NAALAD2: variants seen among roughly 807,000 people sequenced by gnomAD.
The protein encoded by NAALAD2 is N-acetylated alpha-linked acidic dipeptidase 2.
NAALAD2 carries 89 observed loss-of-function variants against 95.6 expected under a neutral mutation model. That is an observed-to-expected ratio of 0.93 (90% CI 0.78 to 1.11). NAALAD2 has a LOEUF of 1.11. Among genes scored for constraint, NAALAD2 ranks in the 50% least tolerant of loss-of-function variants. The probability of loss-of-function intolerance (pLI) is 0.00; values close to 1 mark genes in which losing one functional copy is unlikely to be tolerated. For missense variants in NAALAD2, 894 were observed against 872.4 expected, an observed-to-expected ratio of 1.02 and a Z score of -0.31; for synonymous variants, 264 against 294.4, an observed-to-expected ratio of 0.90 and a Z score of 1.06.
At chr11:90,183,431 A>G (rs1319596335) in intron 18 of NAALAD2, among the ~76,000 whole-genome samples, 1 of 152,150 alleles carries the variant, frequency 6.6e-6, no homozygotes, top group East Asian at 1.9e-4. Flanking sequence ...ATTATTAGAA[A>G]GTTTTCTTCA....
intron 13 of NAALAD2, 48 bp downstream of exon 13, chr11:90,170,184 T>C (rs1449271457): frequency 9.2e-7 from 1 of 1,085,906 alleles, no homozygotes; most frequent in Non-Finnish European, 1.4e-6. Context: ...AATGGATAAA[T>C]GAATAACGTG....
intron 13 of NAALAD2, among the ~76,000 whole-genome samples, chr11:90,171,723 C>G (rs1443411577): frequency 6.6e-6 from 1 of 152,108 alleles, no homozygotes; most frequent in Non-Finnish European, 1.5e-5. Context: ...TGTGTGTTAG[C>G]ACAAATAGTC....
At chr11:90,174,724 A>G (rs1952736700) in intron 14 of NAALAD2, among the ~76,000 whole-genome samples, 1 of 151,702 alleles carries the variant, frequency 6.6e-6, no homozygotes, top group Non-Finnish European at 1.5e-5. Context: ...TTTTATATTT[A>G]TTTGTTTTTA....
chr11:90,132,338 T>C (rs545335443), upstream of NAALAD2: 34 of 152,456 alleles, frequency 2.2e-4, no homozygotes, highest in African/African-American at 7.9e-4. Context: ...AAACACAAAA[T>C]GAGCAAGAAA....
chr11:90,188,793 T>C (rs1380377475), intron 18 of NAALAD2, among the ~76,000 whole-genome samples: 1 of 152,206 alleles, frequency 6.6e-6, no homozygotes, highest in East Asian at 1.9e-4. Flanking sequence ...AAGTAATAAA[T>C]CCTTATCTAC....
At chr11:90,173,972 C>A in intron 14 of NAALAD2, 57 bp downstream of exon 14, 2 of 1,091,816 alleles carry the variant, frequency 1.8e-6, no homozygotes, top group Non-Finnish European at 2.8e-6. Flanking sequence ...TTCCCCTCTG[C>A]CTCTTGTTTC....
intron 15 of NAALAD2, 92 bp downstream of exon 15, chr11:90,176,154 T>A: frequency 5.4e-6 from 5 of 926,536 alleles, no homozygotes; most frequent in Non-Finnish European, 8.5e-6. Context: ...AGACACCTGG[T>A]GGATGTGGCC....
chr11:90,173,336 T>G (rs1205155498), intron 13 of NAALAD2, among the ~76,000 whole-genome samples: 1 of 152,210 alleles, frequency 6.6e-6, no homozygotes, highest in African/African-American at 2.4e-5. Context: ...CTGCCTGCCC[T>G]GCAAAACCAA....
chr11:90,142,183 C>G (rs1951636704), intron 2 of NAALAD2, among the ~76,000 whole-genome samples: 1 of 151,930 alleles, frequency 6.6e-6, no homozygotes, highest in African/African-American at 2.4e-5. Context: ...TCTTTTTTAG[C>G]TGGTCGGTAG....
In NAALAD2 at chr11:90,181,305, AGTT is replaced by A. The variant is rs544991343; in HGVS notation, c.1859-309_1859-307del. On this transcript the variant is annotated intron_variant, in intron 16 of 18. Coordinates refer to ENST00000534061, the MANE Select transcript of NAALAD2 (RefSeq NM_005467.4). ...TAGCTGTATCCAGTGTCTAGCATAC[AGTT>A]GTTGTCCCAATGAATGAATGAATTA... Among the ~76,000 whole-genome samples the A allele has an allele frequency of 1.2e-3, 175 of 152,172 alleles. 1 individual carries two copies. The highest frequency in any genetic ancestry group is 3.9e-3 in the African/African-American group (162 of 41,546).
rs1193945795 is a variant in NAALAD2, at chr11:90,146,567, G to A, written c.195-763G>A. Among the ~76,000 whole-genome samples, 3 of 151,834 alleles carry A rather than the reference G, an allele frequency of 2.0e-5. No individual in the cohort carries two copies. In the East Asian group the frequency reaches 5.8e-4, roughly 29 times the overall value. ...TAGATACGGGGTAGTTCAAGACCAT[G>A]TTGGCCAGGCTGGTCTTGAACTCCT... On this transcript the variant is annotated intron_variant, in intron 2 of 18. Coordinates refer to ENST00000534061, the MANE Select transcript of NAALAD2 (RefSeq NM_005467.4).
intron 17 of NAALAD2, 139 bp downstream of exon 17, chr11:90,181,840 A>G: frequency 1.7e-6 from 1 of 600,122 alleles, no homozygotes; most frequent in Non-Finnish European, 2.9e-6. Context: ...CAATAGCAGT[A>G]GTACCTGAGA....
intron 16 of NAALAD2, 133 bp from the exon 17 acceptor site, chr11:90,181,487 A>T: frequency 1.6e-6 from 1 of 637,432 alleles, no homozygotes. Flanking sequence ...ATTTTCATGG[A>T]TCTGCAAGAA....
chr11:90,161,958 G>T (rs1952311309), intron 8 of NAALAD2, among the ~76,000 whole-genome samples: 1 of 151,010 alleles, frequency 6.6e-6, no homozygotes. Context: ...GTTTTCCTCT[G>T]AGGTACTTTT....
intron 18 of NAALAD2, among the ~76,000 whole-genome samples, chr11:90,184,833 T>C (rs758979014): frequency 6.6e-5 from 10 of 152,068 alleles, no homozygotes; most frequent in Non-Finnish European, 1.5e-4. Context: ...CCACATCTGT[T>C]GATTCATCAA....
intron 8 of NAALAD2, among the ~76,000 whole-genome samples, chr11:90,160,067 G>C (rs993090933): frequency 6.6e-6 from 1 of 151,760 alleles, no homozygotes; most frequent in South Asian, 2.1e-4. Context: ...GAGTTTAAAT[G>C]GGTAAATCAC....
rs1952711351 is a variant in NAALAD2, at chr11:90,173,894, C to T, written c.1481C>T (p.Pro494Leu). 1 of 1,611,780 alleles carries T rather than the reference C, an allele frequency of 6.2e-7. No homozygotes were observed. The highest frequency in any genetic ancestry group is 1.3e-5 in the African/African-American group (1 of 74,636). ...YESWLEKDPS[P>L]ENKNLPRINK... ...AGCTGGTTGGAAAAAGACCCTTCAC[C>T]TGAAAATAAAAATTTGCCTAGGTAA... Residue 494 changes from proline (P) to leucine (L), a missense_variant, in exon 14 of 19, where the codon CCT (proline) becomes CTT (leucine). Pro to Leu is a moderately conservative substitution (Grantham distance 98). Coordinates refer to ENST00000534061, the MANE Select transcript of NAALAD2 (RefSeq NM_005467.4).
At chr11:90,139,698 A>C (rs1951554442) in intron 2 of NAALAD2, among the ~76,000 whole-genome samples, 1 of 152,126 alleles carries the variant, frequency 6.6e-6, no homozygotes, top group Admixed American at 6.6e-5. Flanking sequence ...TTTTTCTCAA[A>C]TCACATTAAT....
At position 90,149,261 on chromosome 11, in the gene NAALAD2, A is replaced by T. The variant is rs1381661002; in HGVS notation, c.483+154A>T. ...CTATGAAAACCTCATCCCTCAAATTAAAAAAATTACAATAAAATAAAATAG... is the reference window on the plus strand; with the variant it reads ...CTATGAAAACCTCATCCCTCAAATTTAAAAAATTACAATAAAATAAAATAG... On this transcript the variant is annotated intron_variant, in intron 4 of 18. Coordinates refer to ENST00000534061, the MANE Select transcript of NAALAD2 (RefSeq NM_005467.4). Among the ~76,000 whole-genome samples, 12 of 152,144 alleles carry T rather than the reference A, an allele frequency of 7.9e-5. 1 individual carries two copies. Among genetic ancestry groups the T allele is most frequent in the African/African-American group, 2.9e-4 (12 of 41,414 alleles).
Sources: gnomAD v4.1 joint callset for allele counts (sites outside exome capture counted in the v4.1 genomes callset) on GRCh38, gnomAD v4.1.1 for gene constraint, MANE v1.5 for transcripts, NCBI Gene and HGNC (gene_info 2026-07-23, HGNC 2026-07-21) for gene names.